The following LTBP1 variants were observed in gnomAD, a reference collection of about 807,000 sequenced individuals.
LTBP1 encodes the protein latent-transforming growth factor beta-binding protein 1.
A neutral mutation model predicts 207.6 loss-of-function variants in LTBP1; 129 were observed. That is an observed-to-expected ratio of 0.62 (90% CI 0.54 to 0.72). The LOEUF is 0.72. Among genes scored for constraint, LTBP1 ranks in the 30% least tolerant of loss-of-function variants. The probability of loss-of-function intolerance (pLI) is 0.00; values close to 1 mark genes in which losing one functional copy is unlikely to be tolerated. For missense variants in LTBP1, 2,281 were observed against 2,217.2 expected (o/e 1.03, Z -0.58); for synonymous variants, 963 against 833.7 (o/e 1.16, Z -2.67).
intron 15 of LTBP1, among the ~76,000 whole-genome samples, chr2:33,264,272 A>C (rs1342613507): frequency 6.6e-6 from 1 of 151,778 alleles, no homozygotes; most frequent in African/African-American, 2.4e-5. Context: ...AAAAAAAAAA[A>C]AAGAATATGA....
intron 3 of LTBP1, among the ~76,000 whole-genome samples, chr2:33,048,206 T>C (rs1235392802): frequency 1.3e-5 from 2 of 152,154 alleles, no homozygotes; most frequent in African/African-American, 4.8e-5. Flanking sequence ...CAGTGACTGG[T>C]CTTCATGGAA....
chr2:33,092,171 G>A (rs1405726687), intron 3 of LTBP1, among the ~76,000 whole-genome samples: 1 of 151,238 alleles, frequency 6.6e-6, no homozygotes, highest in Non-Finnish European at 1.5e-5. Flanking sequence ...GTGCGTGCAC[G>A]TGCGCATGCA....
chr2:33,294,905 G>GT (rs1002061350), intron 20 of LTBP1, among the ~76,000 whole-genome samples: 10 of 147,404 alleles, frequency 6.8e-5, no homozygotes, highest in East Asian at 2.0e-4. Context: ...TTACTATTTG[G>GT]TTTTTTTTTT....
At chr2:33,290,167 T>G (rs1023952702) in intron 19 of LTBP1, among the ~76,000 whole-genome samples, 2 of 152,164 alleles carry the variant, frequency 1.3e-5, no homozygotes, top group African/African-American at 2.4e-5. Flanking sequence ...TGGGAACAAT[T>G]TCATTCCCAC....
chr2:33,097,179 C>G (rs926818889), intron 3 of LTBP1, among the ~76,000 whole-genome samples: 1 of 152,102 alleles, frequency 6.6e-6, no homozygotes, highest in African/African-American at 2.4e-5. Flanking sequence ...TTTAATGTAT[C>G]CACCGTGGTC....
intron 20 of LTBP1, among the ~76,000 whole-genome samples, chr2:33,295,133 A>G (rs1190900741): frequency 1.3e-5 from 2 of 151,970 alleles, no homozygotes; most frequent in Non-Finnish European, 2.9e-5. Context: ...CATTTATTTT[A>G]TATACTTAAC....
chr2:33,040,824 G>A (rs899266354), intron 3 of LTBP1, among the ~76,000 whole-genome samples: 2 of 152,190 alleles, frequency 1.3e-5, no homozygotes, highest in Non-Finnish European at 2.9e-5. Context: ...TTCCCTTAGT[G>A]CTTGTGCTGT....
At chr2:33,285,634 A>C (rs2093652408) in intron 19 of LTBP1, 1 of 151,446 alleles carries the variant, frequency 6.6e-6, no homozygotes, top group South Asian at 2.1e-4. Context: ...TTTTTAGTAG[A>C]GGTGGGGTTT....
chr2:33,016,430 T>G (rs1467012523), intron 2 of LTBP1, among the ~76,000 whole-genome samples: 1 of 152,212 alleles, frequency 6.6e-6, no homozygotes, highest in Non-Finnish European at 1.5e-5. Context: ...CCACTACTTT[T>G]CAGACTTGGC....
intron 3 of LTBP1, among the ~76,000 whole-genome samples, chr2:33,094,791 T>C (rs1461594562): frequency 6.6e-6 from 1 of 152,174 alleles, no homozygotes. Context: ...CTGCACATGG[T>C]TATAAACCCA....
chr2:33,123,905 A>G (rs2081290409), intron 4 of LTBP1, among the ~76,000 whole-genome samples: 2 of 152,338 alleles, frequency 1.3e-5, no homozygotes, highest in South Asian at 4.1e-4. Context: ...TGAATTTAAA[A>G]TTACAGAAAT....
At chr2:33,351,055 G>A (rs951046388) in intron 26 of LTBP1, among the ~76,000 whole-genome samples, 1 of 152,140 alleles carries the variant, frequency 6.6e-6, no homozygotes, top group South Asian at 2.1e-4. Flanking sequence ...GAAGTATAAA[G>A]CATATAGGTT....
intron 20 of LTBP1, among the ~76,000 whole-genome samples, chr2:33,297,630 C>T (rs2093905186): frequency 6.6e-6 from 1 of 152,008 alleles, no homozygotes; most frequent in African/African-American, 2.4e-5. Context: ...TGGGGTTTCA[C>T]CATGTTAGCC....
At chr2:33,293,465 A>G (rs1205827854) in intron 20 of LTBP1, among the ~76,000 whole-genome samples, 183 bp downstream of exon 20, 2 of 152,176 alleles carry the variant, frequency 1.3e-5, no homozygotes, top group African/African-American at 4.8e-5. Context: ...GAGCATATCT[A>G]TTTACATAAA....
chr2:33,037,653 T>C (rs1486070929), intron 3 of LTBP1, among the ~76,000 whole-genome samples: 1 of 152,212 alleles, frequency 6.6e-6, no homozygotes, highest in Admixed American at 6.5e-5. Context: ...CTTGTTCATT[T>C]TGTGATTTCT....
intron 2 of LTBP1, among the ~76,000 whole-genome samples, chr2:33,007,019 T>A (rs1413632076): frequency 1.3e-5 from 2 of 152,220 alleles, no homozygotes; most frequent in Non-Finnish European, 2.9e-5. Flanking sequence ...ATCCACAGCC[T>A]GCGAATGTTT....
At chr2:33,042,992 C>T (rs975458866) in intron 3 of LTBP1, among the ~76,000 whole-genome samples, 2 of 152,098 alleles carry the variant, frequency 1.3e-5, no homozygotes, top group East Asian at 1.9e-4. Context: ...CTACCTGCAC[C>T]CCAGCACTGT....
rs573937557 is a variant in LTBP1 at position 33,225,890 on chromosome 2, A to G, written c.1876+3739A>G. ...AACATAATGTCCTCCAACTCCATCC[A>G]TGTTACACAAATGACAGGATTTCAT... is the stretch of plus-strand genomic sequence containing the variant. On this transcript the variant is annotated intron_variant, in intron 9 of 33. Coordinates refer to ENST00000404816, the MANE Select transcript of LTBP1 (RefSeq NM_206943.4). Among the ~76,000 whole-genome samples the G allele has an allele frequency of 2.4e-4, 36 of 152,254 alleles. No homozygotes were observed. The South Asian group carries it at 7.5e-3, about 32-fold the overall frequency.
intron 2 of LTBP1, among the ~76,000 whole-genome samples, chr2:32,986,922 C>T (rs895720048): frequency 3.9e-5 from 6 of 152,174 alleles, no homozygotes; most frequent in East Asian, 1.9e-4. Flanking sequence ...AAGATTGGGT[C>T]ATGTTCCCAT....
Sources: allele counts gnomAD v4.1 joint callset (sites outside exome capture counted in the v4.1 genomes callset), GRCh38; gene constraint gnomAD v4.1.1; transcripts MANE v1.5; gene names NCBI Gene and HGNC (gene_info 2026-07-23, HGNC 2026-07-21).